Variants in RAD51B observed in about 807,000 individuals in gnomAD.
RAD51B encodes DNA repair protein RAD51 homolog 2.
In RAD51B, 38 loss-of-function variants were observed where a neutral mutation model predicts 42.2. The observed-to-expected ratio is 0.90, with a 90% confidence interval of 0.70 to 1.18. RAD51B has a LOEUF of 1.18. RAD51B is among the 50% of genes most tolerant of loss of function. The pLI is 0.00. For missense variants in RAD51B, 373 were observed against 400.7 expected, an observed-to-expected ratio of 0.93 and a Z score of 0.59; for synonymous variants, 154 against 145.2, an observed-to-expected ratio of 1.06 and a Z score of -0.43.
chr14:67,942,524 C>T (rs142968575), intron 7 of RAD51B, among the ~76,000 whole-genome samples: 1 of 152,222 alleles, frequency 6.6e-6, no homozygotes, highest in East Asian at 1.9e-4. Flanking sequence ...CTGCTGATGA[C>T]ACCAAATTGT....
chr14:68,577,742 T>TCA (rs139667426), intron 10 of RAD51B, among the ~76,000 whole-genome samples: 1,904 of 149,746 alleles, frequency 0.013, 62 homozygotes, highest in East Asian at 0.13. Flanking sequence ...ACCTCTCTCA[T>TCA]CACACACACA....
At chr14:67,864,599 C>T (rs2042264444) in intron 4 of RAD51B, among the ~76,000 whole-genome samples, 1 of 152,166 alleles carries the variant, frequency 6.6e-6, no homozygotes, top group Non-Finnish European at 1.5e-5. Context: ...AAATGCTCAA[C>T]CATTTATTAA....
chr14:68,239,940 G>T (rs1388323303), intron 7 of RAD51B, among the ~76,000 whole-genome samples: 2 of 152,106 alleles, frequency 1.3e-5, no homozygotes, highest in Admixed American at 6.5e-5. Flanking sequence ...ATTGTTTTGG[G>T]CCACAACTGT....
intron 7 of RAD51B, among the ~76,000 whole-genome samples, chr14:68,067,503 A>G (rs1173713988): frequency 6.6e-6 from 1 of 151,788 alleles, no homozygotes; most frequent in Non-Finnish European, 1.5e-5. Flanking sequence ...GGAAAAGAAA[A>G]AGAAATACAT....
intron 8 of RAD51B, among the ~76,000 whole-genome samples, chr14:68,329,861 A>C (rs975519260): frequency 1.7e-4 from 26 of 151,918 alleles, no homozygotes; most frequent in African/African-American, 6.0e-4. Context: ...GCACACCTGT[A>C]GTCCCAGCTA....
intron 11 of RAD51B, among the ~76,000 whole-genome samples, chr14:68,667,586 C>T (rs1054233162): frequency 2.0e-5 from 3 of 152,168 alleles, no homozygotes; most frequent in Non-Finnish European, 4.4e-5. Context: ...CATGCTCCTC[C>T]ATATATTAGT....
At chr14:68,412,868 G>A (rs1278022751) in intron 9 of RAD51B, among the ~76,000 whole-genome samples, 1 of 152,126 alleles carries the variant, frequency 6.6e-6, no homozygotes, top group East Asian at 1.9e-4. Context: ...CAGCTTTCAG[G>A]GATATCATTA....
chr14:67,967,087 G>A (rs147715477), intron 7 of RAD51B, among the ~76,000 whole-genome samples: 72 of 152,250 alleles, frequency 4.7e-4, no homozygotes, highest in South Asian at 3.9e-3. Context: ...CTTCCATGGC[G>A]CCAGCAAGAG....
intron 7 of RAD51B, among the ~76,000 whole-genome samples, chr14:68,264,492 G>A (rs4899234): frequency 0.068 from 10,429 of 152,280 alleles, 505 homozygotes; most frequent in East Asian, 0.23. Flanking sequence ...TTTGGGGTAA[G>A]CCAGTGAGAG....
chr14:67,850,225 C>T (rs183668385), intron 4 of RAD51B, among the ~76,000 whole-genome samples: 3 of 152,310 alleles, frequency 2.0e-5, no homozygotes, highest in South Asian at 4.1e-4. Context: ...CTCAAGCAAT[C>T]CTCCTGCTTT....
intron 9 of RAD51B, among the ~76,000 whole-genome samples, chr14:68,416,423 A>C (rs918173902): frequency 1.3e-5 from 2 of 152,168 alleles, no homozygotes; most frequent in Non-Finnish European, 2.9e-5. Flanking sequence ...ATTTATCTGC[A>C]TACCCTCAAA....
At chr14:67,836,376 T>C (rs528877291) in intron 4 of RAD51B, among the ~76,000 whole-genome samples, 1 of 152,306 alleles carries the variant, frequency 6.6e-6, no homozygotes, top group East Asian at 1.9e-4. Context: ...GAAGTGGTGA[T>C]ATCTTTGGCA....
At chr14:67,872,656 G>C (rs971646069) in intron 5 of RAD51B, among the ~76,000 whole-genome samples, 16 of 151,866 alleles carry the variant, frequency 1.1e-4, no homozygotes, top group African/African-American at 3.6e-4. Flanking sequence ...AAAGAACAAG[G>C]CTGGAGGCAT....
At chr14:67,930,028 T>G (rs1259181899) in intron 7 of RAD51B, among the ~76,000 whole-genome samples, 1 of 152,184 alleles carries the variant, frequency 6.6e-6, no homozygotes, top group Admixed American at 6.5e-5. Flanking sequence ...TCACTTTTGG[T>G]TTCCGTTTGT....
intron 8 of RAD51B, among the ~76,000 whole-genome samples, chr14:68,312,830 G>A (rs1004473058): frequency 1.3e-5 from 2 of 152,162 alleles, no homozygotes; most frequent in Non-Finnish European, 2.9e-5. Context: ...AGAAATAGAG[G>A]GAGCAGCCAT....
At chr14:68,049,208 G>T (rs1217172321) in intron 7 of RAD51B, among the ~76,000 whole-genome samples, 2 of 152,058 alleles carry the variant, frequency 1.3e-5, no homozygotes, top group Non-Finnish European at 2.9e-5. Context: ...GGCCTGTTGT[G>T]GGGTGGGGGG....
At chr14:68,247,135 T>G (rs1171343653) in intron 7 of RAD51B, among the ~76,000 whole-genome samples, 3 of 152,208 alleles carry the variant, frequency 2.0e-5, no homozygotes, top group Non-Finnish European at 2.9e-5. Flanking sequence ...GTACTGTATA[T>G]TGCCCTGTGC....
intron 10 of RAD51B, chr14:68,469,148 G>C (rs1184874252): frequency 2.0e-6 from 1 of 505,982 alleles, no homozygotes. Flanking sequence ...TGACCCTAGA[G>C]GAGCATATTG....
chr14:68,145,868 A>G (rs557659008), intron 7 of RAD51B, among the ~76,000 whole-genome samples: 13 of 152,366 alleles, frequency 8.5e-5, no homozygotes, highest in African/African-American at 2.4e-4. Flanking sequence ...GCTAAACACT[A>G]TTAGATAAAT....
Sources: gnomAD v4.1 joint callset for allele counts (sites outside exome capture counted in the v4.1 genomes callset) on GRCh38, gnomAD v4.1.1 for gene constraint, MANE v1.5 for transcripts, NCBI Gene and HGNC (gene_info 2026-07-23, HGNC 2026-07-21) for gene names.